TP53BP1: variants seen among roughly 807,000 people sequenced by gnomAD.
TP53BP1 encodes TP53-binding protein 1.
TP53BP1 carries 61 observed loss-of-function variants against 200.8 expected under a neutral mutation model. The ratio of observed to expected loss-of-function variants is 0.30; its 90% confidence interval spans 0.25 to 0.38. TP53BP1 has a LOEUF of 0.38. Ranked by LOEUF, TP53BP1 falls within the 10% of genes least tolerant of loss-of-function variation. The pLI is 1.00. For missense variants in TP53BP1, 2,144 were observed against 2,371.9 expected (o/e 0.90, Z 2.00); for synonymous variants, 822 against 844.3 (o/e 0.97, Z 0.46).
In TP53BP1 at chr15:43,408,029, T is replaced by G; in HGVS notation, c.5660A>C (p.Gln1887Pro). ...LKVLLVSDQQQNFLELWSEIL... is the reference protein window; with the variant it reads ...LKVLLVSDQQPNFLELWSEIL... ...CTCAGACCAGAGCTCCAGGAAGTTC[T>G]GCTGTTGGTCTGATACCAAGAGTAC... The change falls in exon 27 of 28, where the codon CAG becomes CCG. Residue 1887 changes from glutamine to proline, a missense_variant. Around this residue, in one of 4 missense-constraint regions of TP53BP1, gnomAD observed 334 missense variants for 453.4 expected, o/e 0.74. Transcript: ENST00000382044. 6.2e-7 allele frequency: 1 copy of G among 1,614,176 alleles called. No individual in the cohort carries two copies. The highest frequency in any genetic ancestry group is 8.5e-7 in the Non-Finnish European group (1 of 1,180,004).
chr15:43,482,452 G>A (rs2078986341), intron 4 of TP53BP1, among the ~76,000 whole-genome samples: 1 of 151,976 alleles, frequency 6.6e-6, no homozygotes, highest in South Asian at 2.1e-4. Context: ...GGCCAACATG[G>A]TGCAACCCCG....
intron 4 of TP53BP1, among the ~76,000 whole-genome samples, chr15:43,481,575 G>T (rs1336335306): frequency 6.6e-6 from 1 of 151,840 alleles, no homozygotes; most frequent in East Asian, 1.9e-4. Context: ...CCAGCACTTT[G>T]GGAGGCAGAG....
At position 43,404,308 on chromosome 15, in the gene TP53BP1, A is replaced by G; in HGVS notation, c.*3075T>C. ...TGGGAAGGCCAGGTGGTTCTGTAGAATTTTGAACAAGGCTTTTCCAAGAAA... is the reference window on the plus strand; with the variant it reads ...TGGGAAGGCCAGGTGGTTCTGTAGAGTTTTGAACAAGGCTTTTCCAAGAAA... On this transcript the variant is annotated 3_prime_UTR_variant, in exon 28 of 28. Transcript: ENST00000382044. 2 of 1,444,776 alleles carry G rather than the reference A, an allele frequency of 1.4e-6. No homozygotes were observed. The highest frequency in any genetic ancestry group is 1.9e-6 in the Non-Finnish European group (2 of 1,069,156). 89.5% of individuals were successfully genotyped at this position (1,444,776 alleles called of 1,614,324 possible).
chr15:43,422,177 T>C (rs758480668), intron 18 of TP53BP1, 51 bp from the exon 19 acceptor site: 67 of 1,570,654 alleles, frequency 4.3e-5, no homozygotes, highest in Non-Finnish European at 5.6e-5. Flanking sequence ...AATAACACAA[T>C]GCTAATATGA....
Position 43,458,610 on chromosome 15 carries a change from T to G in TP53BP1, c.1390-1392A>C, listed in dbSNP as rs961800581. Among the ~76,000 whole-genome samples the G allele has an allele frequency of 2.0e-5, 3 of 151,844 alleles. No homozygotes were observed. The East Asian group carries it at 5.8e-4, about 29-fold the overall frequency. ...GCCTGGACAACATGGCTACACCCCA[T>G]GTCTACAGAAACTTTAAAAATTAGC... is the stretch of plus-strand genomic sequence containing the variant. On this transcript the variant is annotated intron_variant, in intron 11 of 27. Coordinates refer to ENST00000382044, the MANE Select transcript of TP53BP1 (RefSeq NM_001141980.3).
chr15:43,420,653 C>T lies in TP53BP1; in HGVS notation c.4333G>A (p.Val1445Met), dbSNP rs750560493. ...CTGGTGGAGTCTGGCACTCGGGGCA[C>T]GACACGGCTGAAGGATTTATCATCT... ...SPDDKSFSRV[V>M]PRVPDSTRRT... is the part of the protein sequence containing the mutation. Residue 1445 changes from valine to methionine, a missense_variant, in exon 21 of 28, where the codon GTG becomes ATG. By Grantham distance (21) the Val-to-Met change is conservative. This residue lies in a region of TP53BP1 where 49 missense variants were observed against 60.7 expected (regional missense o/e 0.81). Coordinates refer to ENST00000382044, the MANE Select transcript of TP53BP1 (RefSeq NM_001141980.3). The T allele has an allele frequency of 8.7e-6, 14 of 1,614,046 alleles. No homozygotes were observed. Among genetic ancestry groups the T allele is most frequent in the African/African-American group, 2.7e-5 (2 of 74,900 alleles).
chr15:43,463,162 A>C (rs2046481116), intron 11 of TP53BP1, among the ~76,000 whole-genome samples: 1 of 152,214 alleles, frequency 6.6e-6, no homozygotes, highest in Non-Finnish European at 1.5e-5. Context: ...TTAATTGTCT[A>C]ATTTGTCCTC....
At chr15:43,479,274 C>A in intron 7 of TP53BP1, 123 bp downstream of exon 7, 1 of 1,018,958 alleles carries the variant, frequency 9.8e-7, no homozygotes, top group South Asian at 2.0e-5. Flanking sequence ...CACAAGTATG[C>A]CCAGTACAAG....
At chr15:43,427,390 G>A (rs1259355729) in intron 18 of TP53BP1, among the ~76,000 whole-genome samples, 2 of 152,218 alleles carry the variant, frequency 1.3e-5, no homozygotes, top group African/African-American at 4.8e-5. Context: ...AACTCCATTT[G>A]AGTTTCTAAG....
chr15:43,509,827 G>A (rs779355257), intron 1 of TP53BP1, among the ~76,000 whole-genome samples: 3 of 151,232 alleles, frequency 2.0e-5, no homozygotes, highest in Non-Finnish European at 4.4e-5. Flanking sequence ...AAAGGCAAAC[G>A]GGACAAAAAA....
intron 12 of TP53BP1, among the ~76,000 whole-genome samples, chr15:43,448,658 G>C (rs947073190): frequency 6.6e-6 from 1 of 151,838 alleles, no homozygotes; most frequent in South Asian, 2.1e-4. Context: ...TCCTGCCTCA[G>C]CCTCCCAAGT....
chr15:43,458,992 T>C lies in TP53BP1; in HGVS notation c.1390-1774A>G, dbSNP rs184948343. 4.6e-5 allele frequency among the ~76,000 whole-genome samples: 7 copies of C among 152,208 alleles called. No individual in the cohort carries two copies. In the East Asian group the frequency reaches 1.4e-3, roughly 29 times the overall value. ...CATTTACCCAAGAAAAATAAAAATA[T>C]GTGCCCACAGAAAGATGTGCATCCA... On this transcript the variant is annotated intron_variant, in intron 11 of 27. Coordinates refer to ENST00000382044, the MANE Select transcript of TP53BP1 (RefSeq NM_001141980.3).
chr15:43,474,145 G>A (rs1003944641), intron 10 of TP53BP1, among the ~76,000 whole-genome samples: 1 of 152,130 alleles, frequency 6.6e-6, no homozygotes, highest in Non-Finnish European at 1.5e-5. Flanking sequence ...TTGCCCGGGG[G>A]GCCGGCAGGG....
Position 43,480,002 on chromosome 15 carries a change from T to C in TP53BP1, c.515A>G (p.Gln172Arg). 1.2e-6 allele frequency: 2 copies of C among 1,614,054 alleles called. No individual in the cohort carries two copies. The highest frequency in any genetic ancestry group is 1.7e-6 in the Non-Finnish European group (2 of 1,179,994). The part of the protein sequence containing the change: ...SLGAEDTASS[Q>R]LGFGVLELSQ... ...GAGTTCCAGAACCCCAAAACCCAAC[T>C]GTGATGAGGCAGTATCTAGGAACAA... is the stretch of plus-strand genomic sequence containing the variant. The change falls in exon 6 of 28, where the codon CAG (glutamine) becomes CGG (arginine). Residue 172 changes from glutamine (Q) to arginine (R), a missense_variant. Gln to Arg is a conservative substitution (Grantham distance 43). Around this residue, in one of 4 missense-constraint regions of TP53BP1, gnomAD observed 1,700 missense variants for 1,710.3 expected, o/e 0.99. Transcript: ENST00000382044.
At chr15:43,441,429 CTT>C in intron 15 of TP53BP1, 95 bp downstream of exon 15, 2 of 821,596 alleles carry the variant, frequency 2.4e-6, no homozygotes, top group Non-Finnish European at 4.2e-6. Context: ...CTCATTTTAA[CTT>C]TCTCATTTTA....
chr15:43,474,546 ATG>A (rs2046809482), intron 10 of TP53BP1, 125 bp downstream of exon 10: 1 of 569,870 alleles, frequency 1.8e-6, no homozygotes, highest in South Asian at 2.7e-5. Flanking sequence ...TTAGACAAAC[ATG>A]AGTCCTACCG....
At chr15:43,414,231 T>C (rs547966061) in intron 23 of TP53BP1, 37 of 412,454 alleles carry the variant, frequency 9.0e-5, no homozygotes, top group African/African-American at 6.7e-4. Flanking sequence ...TACTTTGTCA[T>C]CTTGGGAAAG....
chr15:43,474,753 A>G lies in TP53BP1; in HGVS notation c.1100T>C (p.Leu367Pro). ...GAAAGCATCAGGAGAAGGAGCAACA[A>G]GATCTGAAGAATTCCTTTATATAAA... ...QDSLSTNSSD[L>P]VAPSPDAFRS... Residue 367 changes from leucine to proline, a missense_variant, in exon 10 of 28, where the codon CTT (leucine) becomes CCT (proline). Transcript: ENST00000382044. 1 of 1,610,194 alleles carries G rather than the reference A, an allele frequency of 6.2e-7. No homozygotes were observed. Among genetic ancestry groups the G allele is most frequent in the South Asian group, 1.1e-5 (1 of 90,976 alleles).
intron 11 of TP53BP1, among the ~76,000 whole-genome samples, chr15:43,462,305 T>TTTTTC (rs2140066461): frequency 6.6e-6 from 1 of 151,198 alleles, no homozygotes; most frequent in South Asian, 2.1e-4. Context: ...TATCTTCTCT[T>TTTTTC]TTTTCTTTTC....
Sources: allele counts gnomAD v4.1 joint callset (sites outside exome capture counted in the v4.1 genomes callset), GRCh38; gene constraint gnomAD v4.1.1; regional missense constraint gnomAD v4.1.1; transcripts MANE v1.5; gene names NCBI Gene and HGNC (gene_info 2026-07-23, HGNC 2026-07-21).